Variants in CATSPERE observed in about 807,000 individuals in gnomAD.
CATSPERE encodes the protein catsper channel auxiliary subunit epsilon, also known as cation channel sperm-associated auxiliary subunit epsilon.
In CATSPERE, 93 loss-of-function variants were observed where a neutral mutation model predicts 114.1. That is an observed-to-expected ratio of 0.81 (90% CI 0.69 to 0.97). CATSPERE has a LOEUF of 0.97. CATSPERE is among the 50% of genes least tolerant of loss of function. The pLI, the probability that CATSPERE is intolerant of heterozygous loss-of-function variation, is 0.00. For synonymous variants in CATSPERE, 341 were observed against 384.1 expected (o/e 0.89, Z 1.31); for missense variants, 1,058 against 1,131.6 (o/e 0.93, Z 0.93).
intron 19 of CATSPERE, among the ~76,000 whole-genome samples, chr1:244,614,069 C>T (rs1056566216): frequency 6.6e-6 from 1 of 152,192 alleles, no homozygotes; most frequent in Non-Finnish European, 1.5e-5. Context: ...ATGGCCCTCA[C>T]CAGATGCAAC....
intron 9 of CATSPERE, among the ~76,000 whole-genome samples, chr1:244,553,604 C>CACAT (rs1661053319): frequency 1.1e-5 from 1 of 93,660 alleles, no homozygotes; most frequent in Admixed American, 9.9e-5. Context: ...AAAAAAAATA[C>CACAT]ACACACACAC....
intron 13 of CATSPERE, among the ~76,000 whole-genome samples, chr1:244,584,285 G>A (rs765570529): frequency 1.3e-5 from 2 of 152,056 alleles, no homozygotes; most frequent in African/African-American, 4.8e-5. Flanking sequence ...AGAGGTAAAC[G>A]TAAACTAGCT....
At chr1:244,565,144 G>T (rs7512819) in intron 10 of CATSPERE, among the ~76,000 whole-genome samples, 28,233 of 152,120 alleles carry the variant, frequency 0.19, 3,794 homozygotes, top group East Asian at 0.41. Flanking sequence ...GCTGGATTTT[G>T]TTTGTCAGTA....
intron 19 of CATSPERE, among the ~76,000 whole-genome samples, chr1:244,615,429 G>T (rs996187333): frequency 6.6e-6 from 1 of 151,680 alleles, no homozygotes; most frequent in Admixed American, 6.6e-5. Flanking sequence ...GAAATGCTTT[G>T]TTAGGCAATT....
intron 12 of CATSPERE, among the ~76,000 whole-genome samples, chr1:244,582,182 A>G (rs1212048904): frequency 6.6e-6 from 1 of 152,192 alleles, no homozygotes; most frequent in Non-Finnish European, 1.5e-5. Flanking sequence ...CATCACTAGC[A>G]TAAATAAGAA....
At chr1:244,456,912 C>T (rs1054142925), upstream of CATSPERE, among the ~76,000 whole-genome samples, 1 of 152,170 alleles carries the variant, frequency 6.6e-6, no homozygotes, top group Non-Finnish European at 1.5e-5. Flanking sequence ...AACAGTTTTA[C>T]ATACAAGGTG....
rs767992327 is a variant in CATSPERE, at chr1:244,518,647, A to G, written c.485A>G (p.His162Arg). 1.9e-6 allele frequency: 3 copies of G among 1,601,298 alleles called. No homozygotes were observed. The highest frequency in any genetic ancestry group is 2.3e-5 in the East Asian group (1 of 44,438). ...ACATTGGGACAGAAGCCTGTCATAC[A>G]TACAGTTCTGAAGAGAAAAGTTTAT... is the stretch of plus-strand genomic sequence containing the variant. Reference protein sequence around the residue: ...MATLGQKPVIHTVLKRKVYSS... With the variant: ...MATLGQKPVIRTVLKRKVYSS... Residue 162 changes from histidine to arginine, a missense_variant, in exon 8 of 22, where the codon CAT becomes CGT. By Grantham distance (29) the His-to-Arg change is conservative. Around this residue, in one of 2 missense-constraint regions of CATSPERE, gnomAD observed 271 missense variants for 225.9 expected, o/e 1.20. Transcript: ENST00000366534.
intron 21 of CATSPERE, among the ~76,000 whole-genome samples, chr1:244,639,507 T>C (rs1167743728): frequency 6.6e-6 from 1 of 152,144 alleles, no homozygotes; most frequent in African/African-American, 2.4e-5. Flanking sequence ...CTGGCCAACA[T>C]GGTGAAACCC....
intron 19 of CATSPERE, among the ~76,000 whole-genome samples, chr1:244,617,172 G>A (rs1190433857): frequency 6.6e-6 from 1 of 152,104 alleles, no homozygotes; most frequent in Non-Finnish European, 1.5e-5. Context: ...AAAAACCCAA[G>A]GATGTACCAT....
intron 20 of CATSPERE, among the ~76,000 whole-genome samples, chr1:244,625,402 T>TATATATA (rs1553391554): frequency 2.2e-5 from 1 of 45,962 alleles, no homozygotes; most frequent in Non-Finnish European, 4.1e-5. Flanking sequence ...ATTATTATTA[T>TATATATA]TATTTATATA....
Position 244,572,502 on chromosome 1 carries a change from A to C in CATSPERE, c.1680A>C (p.Thr560=). Residue 560 remains threonine, a synonymous_variant, in exon 11 of 22, where the codon ACA becomes ACC. Transcript: ENST00000366534. ...TYFLYALDDG[T]IQIQDYPLHL... The stretch of plus-strand genomic sequence containing the variant: ...TCCTGTATGCTTTGGATGATGGCAC[A>C]ATACAAATACAGGACTATCCCTTAC... 6.2e-7 allele frequency: 1 copy of C among 1,614,168 alleles called. No homozygotes were observed.
intron 7 of CATSPERE, among the ~76,000 whole-genome samples, chr1:244,518,155 C>T (rs1676944403): frequency 6.6e-6 from 1 of 152,120 alleles, no homozygotes; most frequent in Admixed American, 6.5e-5. Context: ...TATCTGATTT[C>T]TAAGAGCGTT....
intron 21 of CATSPERE, 25 bp from the exon 22 acceptor site, chr1:244,639,903 C>CTTTT (rs10572994): frequency 1.5e-6 from 2 of 1,364,428 alleles, no homozygotes; most frequent in Non-Finnish European, 2.0e-6. Context: ...CTTCTAATGC[C>CTTTT]TTTTTTTTTT....
At chr1:244,552,917 T>G in intron 9 of CATSPERE, 103 bp downstream of exon 9, 3 of 574,716 alleles carry the variant, frequency 5.2e-6, no homozygotes, top group Non-Finnish European at 7.2e-6. Flanking sequence ...TATGCAGCTC[T>G]TTGCCCAGTT....
At chr1:244,542,622 A>G (rs1476017483) in intron 8 of CATSPERE, among the ~76,000 whole-genome samples, 1 of 152,156 alleles carries the variant, frequency 6.6e-6, no homozygotes, top group Admixed American at 6.6e-5. Flanking sequence ...ACTTAAGATA[A>G]TGGCATCCAG....
intron 5 of CATSPERE, among the ~76,000 whole-genome samples, chr1:244,489,450 A>ATTTTTTTTTTTTTTTTTTTT (rs10524749): frequency 1.2e-5 from 1 of 85,542 alleles, no homozygotes; most frequent in African/African-American, 4.5e-5. Flanking sequence ...AAGCATGCAG[A>ATTTTTTTTTTTTTTTTTTTT]TTTTTTTTTT....
In CATSPERE at chr1:244,528,825, A is replaced by ACT. The variant is rs1553342560; in HGVS notation, c.536+10130_536+10131dup. On this transcript the variant is annotated intron_variant, in intron 8 of 21. Transcript: ENST00000366534. ...CACACACACACACACACACACACAC[A>ACT]CTCTACTCTTTCCAGCCCCTGGCAA... Among the ~76,000 whole-genome samples, 37 of 147,402 alleles carry ACT rather than the reference A, an allele frequency of 2.5e-4. No individual in the cohort carries two copies. In the South Asian group the frequency reaches 5.6e-3, roughly 22 times the overall value.
intron 8 of CATSPERE, among the ~76,000 whole-genome samples, chr1:244,522,279 G>A (rs1412436074): frequency 6.6e-6 from 1 of 152,094 alleles, no homozygotes; most frequent in African/African-American, 2.4e-5. Flanking sequence ...GATGTTCTTT[G>A]AAACCAATGA....
chr1:244,465,289 C>T (rs1217292926), intron 2 of CATSPERE, among the ~76,000 whole-genome samples: 1 of 152,140 alleles, frequency 6.6e-6, no homozygotes, highest in African/African-American at 2.4e-5. Context: ...CAGCCTCGGC[C>T]TCCCAAAGTG....
Sources: gnomAD v4.1 joint callset for allele counts (sites outside exome capture counted in the v4.1 genomes callset) on GRCh38, gnomAD v4.1.1 for gene constraint, gnomAD v4.1.1 regional missense constraint, MANE v1.5 for transcripts, NCBI Gene and HGNC (gene_info 2026-07-23, HGNC 2026-07-21) for gene names.